MYRIP: variants seen among roughly 807,000 people sequenced by gnomAD.
MYRIP encodes the protein myosin VIIA and Rab interacting protein.
Under a neutral mutation model 98.0 loss-of-function variants are expected in MYRIP, and 49 were observed. The observed-to-expected ratio is 0.50, with a 90% CI of 0.40 to 0.63. MYRIP has a LOEUF of 0.63. Among genes scored for constraint, MYRIP ranks in the 30% least tolerant of loss-of-function variants. MYRIP has a pLI of 0.00. For synonymous variants in MYRIP, 404 were observed against 409.5 expected (o/e 0.99, Z 0.16); for missense variants, 1,004 against 1,058.2 (o/e 0.95, Z 0.71).
intron 1 of MYRIP, among the ~76,000 whole-genome samples, chr3:39,831,680 A>G (rs781032132): frequency 2.0e-5 from 3 of 152,230 alleles, no homozygotes; most frequent in Non-Finnish European, 4.4e-5. Flanking sequence ...GAAAAAATAA[A>G]TCAGTATACC....
At chr3:40,152,380 G>A (rs910198149) in intron 4 of MYRIP, among the ~76,000 whole-genome samples, 7 of 152,070 alleles carry the variant, frequency 4.6e-5, no homozygotes, top group African/African-American at 7.2e-5. Flanking sequence ...TTCAGATCTC[G>A]TAGGTGTTCT....
chr3:40,200,711 C>A (rs1019665924), intron 10 of MYRIP, among the ~76,000 whole-genome samples: 3 of 152,284 alleles, frequency 2.0e-5, no homozygotes, highest in African/African-American at 7.2e-5. Flanking sequence ...AAGCCCAGCT[C>A]ATTCAAATGG....
At chr3:39,817,378 T>C (rs1940956922) in intron 1 of MYRIP, among the ~76,000 whole-genome samples, 1 of 152,216 alleles carries the variant, frequency 6.6e-6, no homozygotes, top group Admixed American at 6.5e-5. Context: ...AAACGTCAAA[T>C]GCTCATTGAA....
Position 40,253,643 on chromosome 3 carries a change from C to T in MYRIP, c.2547+1644C>T, listed in dbSNP as rs1247383551. 4.6e-5 allele frequency among the ~76,000 whole-genome samples: 7 copies of T among 152,122 alleles called. No individual in the cohort carries two copies. The South Asian group carries it at 8.3e-4, about 18-fold the overall frequency. ...CACATTGACCCAATAATTTGATCAA[C>T]GGAATAAGTTACCTTAGGGATAGCA... On this transcript the variant is annotated intron_variant, in intron 16 of 16. Transcript: ENST00000302541.
At chr3:39,938,339 T>C (rs1944702920) in intron 2 of MYRIP, among the ~76,000 whole-genome samples, 1 of 152,186 alleles carries the variant, frequency 6.6e-6, no homozygotes, top group South Asian at 2.1e-4. Context: ...CAGATTATTC[T>C]CTTTCCTCTA....
intron 2 of MYRIP, among the ~76,000 whole-genome samples, chr3:39,997,303 GA>G (rs1283736569): frequency 1.3e-5 from 2 of 151,572 alleles, no homozygotes; most frequent in Non-Finnish European, 2.9e-5. Flanking sequence ...TAATAAAGAA[GA>G]AAAGAGAGAA....
intron 2 of MYRIP, among the ~76,000 whole-genome samples, chr3:39,941,549 G>T (rs1423340082): frequency 6.6e-5 from 10 of 151,366 alleles, no homozygotes; most frequent in Admixed American, 6.6e-4. Context: ...ACAGTAGACT[G>T]ACTTTTTTAA....
chr3:40,156,859 T>C (rs1412949785), intron 4 of MYRIP, among the ~76,000 whole-genome samples: 1 of 151,896 alleles, frequency 6.6e-6, no homozygotes. Flanking sequence ...CTGAAGACTT[T>C]GCTGAAGTTG....
At chr3:40,006,459 A>G (rs1946637670) in intron 2 of MYRIP, among the ~76,000 whole-genome samples, 1 of 152,146 alleles carries the variant, frequency 6.6e-6, no homozygotes, top group African/African-American at 2.4e-5. Flanking sequence ...AGTGACAGCA[A>G]TGATGGATTC....
intron 3 of MYRIP, among the ~76,000 whole-genome samples, chr3:40,126,863 T>G (rs1949535699): frequency 6.6e-6 from 1 of 152,218 alleles, no homozygotes; most frequent in Non-Finnish European, 1.5e-5. Context: ...CTATCCTCAA[T>G]GCTGAGCAGT....
At chr3:39,849,355 T>C (rs745848914) in intron 1 of MYRIP, among the ~76,000 whole-genome samples, 4 of 152,218 alleles carry the variant, frequency 2.6e-5, no homozygotes, top group Admixed American at 1.3e-4. Context: ...TCTCATTTAT[T>C]TCCGAGTCTA....
chr3:40,083,876 G>A (rs148911151), intron 3 of MYRIP, among the ~76,000 whole-genome samples: 6,414 of 152,082 alleles, frequency 0.042, 180 homozygotes, highest in Non-Finnish European at 0.062. Flanking sequence ...GGTGGCTCAC[G>A]CCTGTAATCC....
chr3:39,930,649 T>A (rs544181375), intron 2 of MYRIP, among the ~76,000 whole-genome samples: 2 of 152,122 alleles, frequency 1.3e-5, no homozygotes, highest in Non-Finnish European at 2.9e-5. Context: ...AGGAATTTTA[T>A]AAATTTATCT....
At chr3:39,884,846 T>C (rs973936743) in intron 1 of MYRIP, among the ~76,000 whole-genome samples, 11 of 151,466 alleles carry the variant, frequency 7.3e-5, no homozygotes, top group African/African-American at 2.7e-4. Flanking sequence ...GCATTGTCTT[T>C]GTAGGGTAAA....
At chr3:39,809,177 C>T (rs1002689791), upstream of MYRIP, among the ~76,000 whole-genome samples, 1 of 152,108 alleles carries the variant, frequency 6.6e-6, no homozygotes, top group Non-Finnish European at 1.5e-5. Flanking sequence ...TCTGGTGACC[C>T]ATTACTCTAC....
Position 40,037,126 on chromosome 3 carries a change from T to TGTCTTGCTCTC in MYRIP, c.111-6924_111-6923insGTCTTGCTCTC, listed in dbSNP as rs1405912355. Among the ~76,000 whole-genome samples the TGTCTTGCTCTC allele has an allele frequency of 4.7e-3, 723 of 152,224 alleles. 5 individuals are homozygous for TGTCTTGCTCTC. Among genetic ancestry groups the TGTCTTGCTCTC allele is most frequent in the African/African-American group, 0.017 (687 of 41,566 alleles). ...AGTCCAAATCTATTAGTAATTTCAA[T>TGTCTTGCTCTC]ATAAATGTATGTCTTGCTCTCAGTG... On this transcript the variant is annotated intron_variant, in intron 2 of 16. Transcript: ENST00000302541.
chr3:39,864,998 A>G (rs1414560643), intron 1 of MYRIP, among the ~76,000 whole-genome samples: 1 of 152,160 alleles, frequency 6.6e-6, no homozygotes, highest in Non-Finnish European at 1.5e-5. Flanking sequence ...AAATAATGTC[A>G]CACATTTACA....
intron 3 of MYRIP, among the ~76,000 whole-genome samples, chr3:40,098,745 T>TGTGC (rs1948881473): frequency 6.7e-6 from 1 of 149,508 alleles, no homozygotes; most frequent in Non-Finnish European, 1.5e-5. Context: ...TCTCATTGTG[T>TGTGC]GTGTGTGTGT....
chr3:40,148,760 G>A (rs1950059580), intron 3 of MYRIP, among the ~76,000 whole-genome samples: 1 of 151,954 alleles, frequency 6.6e-6, no homozygotes, highest in Non-Finnish European at 1.5e-5. Flanking sequence ...TTCTTCTTAT[G>A]CCATTGGATT....
Sources: gnomAD v4.1 joint callset for allele counts (sites outside exome capture counted in the v4.1 genomes callset) on GRCh38, gnomAD v4.1.1 for gene constraint, MANE v1.5 for transcripts, NCBI Gene and HGNC (gene_info 2026-07-23, HGNC 2026-07-21) for gene names.